Variants in KIAA1958 observed in about 807,000 individuals in gnomAD.
KIAA1958 encodes the protein KIAA1958.
KIAA1958 carries 14 observed loss-of-function variants against 47.2 expected under a neutral mutation model. The observed-to-expected ratio is 0.30, with a 90% CI of 0.20 to 0.46. The LOEUF is 0.46. KIAA1958 is among the 20% of genes least tolerant of loss of function. The probability of loss-of-function intolerance (pLI) is 1.00; values close to 1 mark genes in which losing one functional copy is unlikely to be tolerated. For synonymous variants in KIAA1958, 354 were observed against 353.3 expected (o/e 1.00, Z -0.02); for missense variants, 803 against 909.2 (o/e 0.88, Z 1.50).
Position 112,661,988 on chromosome 9 carries a change from T to C in KIAA1958, c.*1919T>C, listed in dbSNP as rs1403772141. The C allele has an allele frequency of 6.6e-6, 1 of 152,246 alleles. No individual in the cohort carries two copies. The highest frequency in any genetic ancestry group is 2.4e-5 in the African/African-American group (1 of 41,466). 9.4% of individuals were successfully genotyped at this position (152,246 alleles called of 1,614,324 possible). Reference sequence around the variant, plus strand: ...CTATTGGGCAAAGCCTGCAGCCTAATTAATTAAAACCTCCATTTTTATTTG... The same window carrying C: ...CTATTGGGCAAAGCCTGCAGCCTAACTAATTAAAACCTCCATTTTTATTTG... On this transcript the variant is annotated 3_prime_UTR_variant, in exon 4 of 4. Transcript: ENST00000337530.
intron 1 of KIAA1958, among the ~76,000 whole-genome samples, chr9:112,535,270 C>T (rs1834832844): frequency 6.6e-6 from 1 of 152,218 alleles, no homozygotes. Context: ...CTGGTAACCA[C>T]TGTTCCACTT....
Position 112,488,666 on chromosome 9 carries a change from A to G in KIAA1958, c.-25+1548A>G, listed in dbSNP as rs543884629. Among the ~76,000 whole-genome samples the G allele has an allele frequency of 2.0e-5, 3 of 152,342 alleles. No individual in the cohort carries two copies. In the South Asian group the frequency reaches 6.2e-4, roughly 32 times the overall value. ...GTAAAAAATAGAGGTTTTCCTAAAA[A>G]AACAAAAAGCATTATCATCTAAACT... is the stretch of plus-strand genomic sequence containing the variant. On this transcript the variant is annotated intron_variant, in intron 1 of 3. Transcript: ENST00000337530.
chr9:112,639,029 A>G (rs145927279), intron 2 of KIAA1958, among the ~76,000 whole-genome samples: 6 of 152,306 alleles, frequency 3.9e-5, no homozygotes, highest in African/African-American at 1.4e-4. Flanking sequence ...TGCCAGCCTG[A>G]TGTAGCATCA....
At chr9:112,636,081 C>T (rs1354341521) in intron 2 of KIAA1958, among the ~76,000 whole-genome samples, 1 of 148,742 alleles carries the variant, frequency 6.7e-6, no homozygotes, top group Non-Finnish European at 1.5e-5. Flanking sequence ...GATTTTTTTT[C>T]TTTTACCAGA....
chr9:112,557,963 A>G (rs764326088), intron 1 of KIAA1958, among the ~76,000 whole-genome samples: 24 of 152,244 alleles, frequency 1.6e-4, no homozygotes, highest in Non-Finnish European at 3.2e-4. Context: ...GCAGTGGCTC[A>G]TGCCTGTAAT....
At chr9:112,651,438 AGGCTGGAGTGCAGT>A (rs912164610) in intron 3 of KIAA1958, among the ~76,000 whole-genome samples, 6 of 150,156 alleles carry the variant, frequency 4.0e-5, no homozygotes, top group Non-Finnish European at 8.9e-5. Flanking sequence ...TCTATCCCCC[AGGCTGGAGTGCAGT>A]GGCACAATCT....
chr9:112,492,675 T>C (rs992376108), intron 1 of KIAA1958, among the ~76,000 whole-genome samples: 8 of 152,242 alleles, frequency 5.3e-5, no homozygotes, highest in Admixed American at 2.6e-4. Context: ...ATAAAGTAGC[T>C]AAAGGCTTTT....
At chr9:112,557,755 G>A (rs771318424) in intron 1 of KIAA1958, among the ~76,000 whole-genome samples, 11 of 152,110 alleles carry the variant, frequency 7.2e-5, no homozygotes, top group Admixed American at 2.6e-4. Flanking sequence ...TGTAACTTAC[G>A]ACATGAAAAA....
At chr9:112,641,525 T>C (rs1303676450) in intron 2 of KIAA1958, among the ~76,000 whole-genome samples, 1 of 151,976 alleles carries the variant, frequency 6.6e-6, no homozygotes, top group Non-Finnish European at 1.5e-5. Context: ...TCTTTCAGTA[T>C]TTCTATTTGA....
chr9:112,530,043 C>A (rs1053810008), intron 1 of KIAA1958, among the ~76,000 whole-genome samples: 1 of 152,086 alleles, frequency 6.6e-6, no homozygotes, highest in Non-Finnish European at 1.5e-5. Flanking sequence ...CAGGGTTTCA[C>A]CGTGTTAGCC....
chr9:112,528,289 C>T (rs1214378281), intron 1 of KIAA1958, among the ~76,000 whole-genome samples: 3 of 152,114 alleles, frequency 2.0e-5, no homozygotes, highest in Non-Finnish European at 2.9e-5. Context: ...TAGTGTCCCA[C>T]GTGACAGAAT....
intron 2 of KIAA1958, among the ~76,000 whole-genome samples, chr9:112,621,555 C>A (rs1006703497): frequency 1.3e-5 from 2 of 152,136 alleles, no homozygotes; most frequent in African/African-American, 2.4e-5. Flanking sequence ...AAATGAAAAT[C>A]TTTGTCCTGC....
Position 112,634,474 on chromosome 9 carries a change from G to T in KIAA1958, c.1172-11176G>T, listed in dbSNP as rs374665724. On this transcript the variant is annotated intron_variant, in intron 2 of 3. Coordinates refer to ENST00000337530, the MANE Select transcript of KIAA1958 (RefSeq NM_133465.4). ...TTGAACTCCTGACCTCAAGTGATCC[G>T]CCAGCCTTGGCCTCCCAAAGTGCTG... 2.0e-5 allele frequency among the ~76,000 whole-genome samples: 3 copies of T among 151,992 alleles called. No homozygotes were observed. In the East Asian group the frequency reaches 5.8e-4, roughly 29 times the overall value.
At chr9:112,520,420 A>G (rs1489068245) in intron 1 of KIAA1958, among the ~76,000 whole-genome samples, 3 of 152,238 alleles carry the variant, frequency 2.0e-5, no homozygotes, top group South Asian at 2.1e-4. Flanking sequence ...CATCATCTAC[A>G]TGATACTCTA....
intron 3 of KIAA1958, among the ~76,000 whole-genome samples, chr9:112,655,829 C>T (rs1465403706): frequency 6.6e-6 from 1 of 152,164 alleles, no homozygotes; most frequent in East Asian, 1.9e-4. Flanking sequence ...TGTTGACAAA[C>T]GGCCTTGAGG....
intron 2 of KIAA1958, among the ~76,000 whole-genome samples, chr9:112,631,528 C>T (rs1836705646): frequency 2.2e-5 from 2 of 92,864 alleles, no homozygotes; most frequent in African/African-American, 4.1e-5. Flanking sequence ...AAGAGCCTCT[C>T]TCAAAGAAAA....
intron 1 of KIAA1958, among the ~76,000 whole-genome samples, chr9:112,570,616 C>T (rs1433120287): frequency 1.3e-5 from 2 of 152,208 alleles, no homozygotes; most frequent in African/African-American, 2.4e-5. Flanking sequence ...GGGAACATTT[C>T]GTAGTCTCTT....
chr9:112,495,778 G>T (rs1190323971), intron 1 of KIAA1958, among the ~76,000 whole-genome samples: 3 of 152,178 alleles, frequency 2.0e-5, no homozygotes, highest in Non-Finnish European at 4.4e-5. Context: ...AGTCATTGTT[G>T]TTCCCTTCCG....
chr9:112,612,393 G>A (rs759866746), intron 2 of KIAA1958, among the ~76,000 whole-genome samples: 56 of 152,166 alleles, frequency 3.7e-4, no homozygotes, highest in Non-Finnish European at 6.2e-4. Flanking sequence ...GGGTCGCAGA[G>A]TGAGACCCTG....
Sources: allele counts gnomAD v4.1 joint callset (sites outside exome capture counted in the v4.1 genomes callset), GRCh38; gene constraint gnomAD v4.1.1; transcripts MANE v1.5; gene names NCBI Gene and HGNC (gene_info 2026-07-23, HGNC 2026-07-21).